Variants in PCDHAC2 observed in about 807,000 individuals in gnomAD.
PCDHAC2 encodes the protein protocadherin alpha subfamily C, 2, also known as protocadherin alpha-C2.
Under a neutral mutation model 63.3 loss-of-function variants are expected in PCDHAC2, and 24 were observed. That is an observed-to-expected ratio of 0.38 (90% CI 0.27 to 0.53). The LOEUF (loss-of-function observed/expected upper bound fraction) is 0.53, where lower values mean the gene tolerates loss of function less well. Ranked by LOEUF, PCDHAC2 falls within the 20% of genes least tolerant of loss-of-function variation. PCDHAC2 has a pLI of 0.81. For missense variants in PCDHAC2, 1,181 were observed against 1,275.2 expected, an observed-to-expected ratio of 0.93 and a Z score of 1.12; for synonymous variants, 569 against 529.4, an observed-to-expected ratio of 1.07 and a Z score of -1.03.
rs1554231011 is a variant in PCDHAC2 at position 140,968,738 on chromosome 5, C to G, written c.1972C>G (p.Leu658Val). 10 of 1,614,040 alleles carry G rather than the reference C, an allele frequency of 6.2e-6. No individual in the cohort carries two copies. The Admixed American group carries it at 6.7e-5, about 11-fold the overall frequency. The change falls in exon 1 of 4, where the codon CTG becomes GTG. Residue 658 changes from leucine (L) to valine (V), a missense_variant. Around this residue, in one of 3 missense-constraint regions of PCDHAC2, gnomAD observed 968 missense variants for 1,073.5 expected, o/e 0.90. Transcript: ENST00000289269. ...AGATGAGAGTGGTAGCACTTTCAAC[C>G]TGACCGTGGTGGTCCGAGATAATGG... Reference protein sequence around the residue: ...MGDESGSTFNLTVVVRDNGEP... With the variant: ...MGDESGSTFNVTVVVRDNGEP...
At chr5:140,996,836 C>T (rs1247616398) in intron 3 of PCDHAC2, among the ~76,000 whole-genome samples, 43 of 152,096 alleles carry the variant, frequency 2.8e-4, no homozygotes, top group African/African-American at 1.0e-3. Flanking sequence ...AATAATTTAG[C>T]GTGCATCTTC....
intron 3 of PCDHAC2, among the ~76,000 whole-genome samples, chr5:140,987,599 C>T (rs1475170913): frequency 1.3e-5 from 2 of 152,086 alleles, no homozygotes; most frequent in Non-Finnish European, 2.9e-5. Context: ...GTGGTGTCTA[C>T]CTTATAGGGT....
chr5:140,993,454 T>G (rs1343043993), intron 3 of PCDHAC2, among the ~76,000 whole-genome samples: 1 of 133,974 alleles, frequency 7.5e-6, no homozygotes, highest in Non-Finnish European at 1.6e-5. Flanking sequence ...GTTCTCCTTC[T>G]TTCTTTCTCA....
chr5:140,984,392 G>C (rs914978799), intron 3 of PCDHAC2, among the ~76,000 whole-genome samples: 1 of 152,156 alleles, frequency 6.6e-6, no homozygotes, highest in South Asian at 2.1e-4. Context: ...TTCAAAAAAT[G>C]TTGAGAACCT....
intron 3 of PCDHAC2, among the ~76,000 whole-genome samples, chr5:141,002,755 T>A (rs894161079): frequency 1.3e-5 from 2 of 152,174 alleles, no homozygotes; most frequent in Non-Finnish European, 2.9e-5. Context: ...GACAACCCTG[T>A]GATGTAGACA....
chr5:140,979,870 A>G (rs376036380), intron 2 of PCDHAC2, among the ~76,000 whole-genome samples: 2 of 152,388 alleles, frequency 1.3e-5, no homozygotes, highest in South Asian at 2.1e-4. Context: ...TATCTGGGCA[A>G]CTATCAAGTG....
At chr5:140,993,460 T>TCCCACA (rs1554253699) in intron 3 of PCDHAC2, among the ~76,000 whole-genome samples, 8 of 104,506 alleles carry the variant, frequency 7.7e-5, no homozygotes, top group African/African-American at 3.1e-4. Context: ...CTTCTTTCTT[T>TCCCACA]CTCACACACA....
At chr5:141,003,441 A>G (rs184470683) in intron 3 of PCDHAC2, among the ~76,000 whole-genome samples, 25 of 152,240 alleles carry the variant, frequency 1.6e-4, no homozygotes, top group Non-Finnish European at 1.5e-5. Flanking sequence ...CCTCCCAAGT[A>G]GATGAAATTA....
In PCDHAC2 at chr5:141,010,434, A is replaced by G; in HGVS notation, c.*497A>G. 9.7e-7 allele frequency: 1 copy of G among 1,031,156 alleles called. No homozygotes were observed. Among genetic ancestry groups the G allele is most frequent in the Non-Finnish European group, 1.4e-6 (1 of 732,962 alleles). 63.9% of individuals were successfully genotyped at this position (1,031,156 alleles called of 1,614,324 possible). A position where few individuals can be genotyped will look rare whatever the true frequency, so the allele number is the denominator to read the frequency against. ...TTGGTACAAGGAAGGCAAGAAAACA[A>G]AGACAAATAAACAGCGGAAGTTATC... On this transcript the variant is annotated 3_prime_UTR_variant, in exon 4 of 4. Transcript: ENST00000289269.
chr5:141,007,315 C>T (rs1207897662), intron 3 of PCDHAC2, among the ~76,000 whole-genome samples: 1 of 148,308 alleles, frequency 6.7e-6, no homozygotes, highest in Non-Finnish European at 1.5e-5. Flanking sequence ...TTTTGGGAGG[C>T]TAAAGTGGAC....
intron 3 of PCDHAC2, among the ~76,000 whole-genome samples, chr5:140,987,811 C>CT (rs1444999429): frequency 6.6e-6 from 1 of 152,100 alleles, no homozygotes; most frequent in East Asian, 1.9e-4. Flanking sequence ...GTGCCTGTCT[C>CT]TTTGTTTCCT....
chr5:141,006,405 C>A (rs782532612), intron 3 of PCDHAC2, among the ~76,000 whole-genome samples: 1 of 151,798 alleles, frequency 6.6e-6, no homozygotes, highest in Non-Finnish European at 1.5e-5. Context: ...AGTAGAGACG[C>A]GGTTTCACTG....
Position 141,009,628 on chromosome 5 carries a change from A to G in PCDHAC2, c.2715A>G (p.Glu905=), listed in dbSNP as rs1441195912. The G allele has an allele frequency of 1.2e-6, 2 of 1,613,000 alleles. No individual in the cohort carries two copies. The highest frequency in any genetic ancestry group is 2.2e-5 in the East Asian group (1 of 44,852). Residue 905 remains glutamate, a splice_region_variant and synonymous_variant, in exon 4 of 4, where the codon GAA becomes GAG. Coordinates refer to ENST00000289269, the MANE Select transcript of PCDHAC2 (RefSeq NM_018899.6). ...GATTTGTAATGTTTTGTCTTTCAGA[A>G]CCAGAGGCAGGAGAAGTGTCCCCTC... is the stretch of plus-strand genomic sequence containing the variant. ...QWPTVSSATP[E]PEAGEVSPPV...
chr5:140,993,282 C>G lies in PCDHAC2; in HGVS notation c.2713+10719C>G, dbSNP rs183298575. On this transcript the variant is annotated intron_variant, in intron 3 of 3. Transcript: ENST00000289269. Reference sequence around the variant, plus strand: ...ATTAGCTTCTTTGGTCTTTTCTTGCCCAGGGTCACAACCTTGCCTCCAGGA... The same window carrying G: ...ATTAGCTTCTTTGGTCTTTTCTTGCGCAGGGTCACAACCTTGCCTCCAGGA... Among the ~76,000 whole-genome samples, 618 of 151,922 alleles carry G rather than the reference C, an allele frequency of 4.1e-3. 6 individuals are homozygous for G. Among genetic ancestry groups the G allele is most frequent in the Non-Finnish European group, 5.9e-3 (399 of 67,976 alleles).
At chr5:141,001,957 G>A in intron 3 of PCDHAC2, among the ~76,000 whole-genome samples, 1 of 152,294 alleles carries the variant, frequency 6.6e-6, no homozygotes, top group African/African-American at 2.4e-5. Flanking sequence ...AGGAGGGAGA[G>A]GCGGGGTGTC....
chr5:140,971,295 G>C (rs2096467939), intron 1 of PCDHAC2, among the ~76,000 whole-genome samples: 2 of 152,232 alleles, frequency 1.3e-5, no homozygotes, highest in South Asian at 4.1e-4. Flanking sequence ...TATGTACTTT[G>C]GTACACAAAC....
intron 3 of PCDHAC2, among the ~76,000 whole-genome samples, chr5:141,003,426 C>T (rs1316658550): frequency 1.3e-5 from 2 of 152,144 alleles, no homozygotes; most frequent in African/African-American, 4.8e-5. Context: ...ATTCTTATGC[C>T]TCAGCCTCCC....
intron 3 of PCDHAC2, among the ~76,000 whole-genome samples, chr5:140,986,896 A>G (rs1221599593): frequency 2.6e-5 from 4 of 152,184 alleles, no homozygotes; most frequent in African/African-American, 4.8e-5. Context: ...CTTAGGCCCT[A>G]TCCTAGACTA....
intron 3 of PCDHAC2, among the ~76,000 whole-genome samples, chr5:140,982,785 G>A (rs1037904724): frequency 2.0e-5 from 3 of 151,236 alleles, no homozygotes; most frequent in African/African-American, 4.9e-5. Flanking sequence ...GTGTGTGCAC[G>A]CATGTGTGCA....
Sources: gnomAD v4.1 joint callset for allele counts (sites outside exome capture counted in the v4.1 genomes callset) on GRCh38, gnomAD v4.1.1 for gene constraint, gnomAD v4.1.1 regional missense constraint, MANE v1.5 for transcripts, NCBI Gene and HGNC (gene_info 2026-07-23, HGNC 2026-07-21) for gene names.